Variants in NOL8 observed in about 807,000 individuals in gnomAD.
The protein encoded by NOL8 is nucleolar protein Nop132.
In NOL8, 93 loss-of-function variants were observed where a neutral mutation model predicts 116.1. The ratio of observed to expected loss-of-function variants is 0.80; its 90% CI spans 0.68 to 0.95. The LOEUF (loss-of-function observed/expected upper bound fraction) is 0.95. NOL8 is among the 40% of genes least tolerant of loss of function. The pLI is 0.00. For synonymous variants in NOL8, 419 were observed against 469.0 expected (o/e 0.89, Z 1.38); for missense variants, 1,291 against 1,382.8 (o/e 0.93, Z 1.05).
rs1837773626 is a variant in NOL8, at chr9:92,301,798, CCTTTT to C, written c.2923_2927del (p.Lys975GlyfsTer4). The C allele has an allele frequency of 5.0e-6, 8 of 1,593,972 alleles. No individual in the cohort carries two copies. Among genetic ancestry groups the C allele is most frequent in the Non-Finnish European group, 6.0e-6 (7 of 1,169,398 alleles). ...CCTCAGGTAGTTTCTCAGCTTCCTC[CCTTTT>C]CTTTTTTCGTTTTGCTTTACTGAAA... On this transcript the variant is annotated frameshift_variant, in exon 13 of 17. Coordinates refer to ENST00000442668, the MANE Select transcript of NOL8 (RefSeq NM_017948.6). LOFTEE classifies it high-confidence loss of function.
intron 7 of NOL8, among the ~76,000 whole-genome samples, chr9:92,312,827 C>CAAAA (rs35089570): frequency 3.5e-3 from 191 of 55,346 alleles, no homozygotes; most frequent in Non-Finnish European, 4.7e-3. Context: ...AACTCCATCT[C>CAAAA]AAAAAAAAAA....
chr9:92,304,174 C>T (rs1253300617), intron 12 of NOL8, among the ~76,000 whole-genome samples: 1 of 152,166 alleles, frequency 6.6e-6, no homozygotes, highest in Non-Finnish European at 1.5e-5. Flanking sequence ...GAAGGATGAT[C>T]CAGAAAGCCA....
intron 13 of NOL8, 25 bp from the exon 14 acceptor site, chr9:92,300,041 T>G: frequency 6.2e-7 from 1 of 1,608,346 alleles, no homozygotes; most frequent in Non-Finnish European, 8.5e-7. Flanking sequence ...CAACAAAAGA[T>G]GATGGGATTG....
chr9:92,310,010 T>C (rs1294084404), intron 10 of NOL8, among the ~76,000 whole-genome samples, 161 bp downstream of exon 10: 2 of 152,234 alleles, frequency 1.3e-5, no homozygotes, highest in African/African-American at 4.8e-5. Flanking sequence ...AATTACTATG[T>C]ACAAACAAAC....
In NOL8 at chr9:92,325,341, C is replaced by T. The variant is rs112410231; in HGVS notation, c.-84G>A. ...ACCTAAAGCCAGCGCCGCTGCAGCC[C>T]CTAACTTCTGGTCACGTGTCCCAAC... On this transcript the variant is annotated 5_prime_UTR_variant, in exon 1 of 17. Transcript: ENST00000442668. The T allele has an allele frequency of 6.6e-6, 1 of 152,472 alleles. No individual in the cohort carries two copies. The highest frequency in any genetic ancestry group is 1.9e-4 in the East Asian group (1 of 5,188). The allele number at this position is 152,472 out of a possible 1,614,324, so 9.4% of individuals were successfully genotyped here. A position where few individuals can be genotyped will look rare whatever the true frequency, so the allele number is the denominator to read the frequency against.
chr9:92,299,664 A>G (rs1314054101), intron 14 of NOL8, among the ~76,000 whole-genome samples: 1 of 151,978 alleles, frequency 6.6e-6, no homozygotes, highest in African/African-American at 2.4e-5. Flanking sequence ...GGACAGGAGA[A>G]TTGCTTGAAT....
intron 4 of NOL8, chr9:92,320,124 T>C: frequency 2.2e-6 from 1 of 456,100 alleles, no homozygotes; most frequent in Non-Finnish European, 4.4e-6. Flanking sequence ...TAGGTCTTGA[T>C]TATCCATATC....
At chr9:92,298,011 G>T in intron 16 of NOL8, 125 bp from the exon 17 acceptor site, 1 of 829,952 alleles carries the variant, frequency 1.2e-6, no homozygotes, top group Non-Finnish European at 1.9e-6. Flanking sequence ...GTGCTCTTTT[G>T]AAATGAAGAG....
At position 92,316,005 on chromosome 9, in the gene NOL8, C is replaced by T. The variant is rs375542875; in HGVS notation, c.620G>A (p.Arg207Gln). 359 of 1,613,844 alleles carry T rather than the reference C, an allele frequency of 2.2e-4. No homozygotes were observed. Among genetic ancestry groups the T allele is most frequent in the Non-Finnish European group, 2.9e-4 (345 of 1,179,902 alleles). ...GCCATGAAAGTCAGAGAACTCTCCT[C>T]GCCGTTTCTTACTCATAGGGTCATT... ...GGNDPMSKKRRGEFSDFHGPP... is the reference protein window; with the variant it reads ...GGNDPMSKKRQGEFSDFHGPP... Residue 207 changes from arginine (R) to glutamine (Q), a missense_variant, in exon 7 of 17, where the codon CGA becomes CAA. By Grantham distance (43) the Arg-to-Gln change is conservative. Transcript: ENST00000442668.
At chr9:92,317,011 G>A (rs959899538) in intron 6 of NOL8, among the ~76,000 whole-genome samples, 1 of 152,118 alleles carries the variant, frequency 6.6e-6, no homozygotes, top group Non-Finnish European at 1.5e-5. Context: ...GGAGTGCCAC[G>A]GCATGATCGT....
intron 7 of NOL8, among the ~76,000 whole-genome samples, chr9:92,313,746 T>C (rs1212839695): frequency 6.6e-6 from 1 of 152,180 alleles, no homozygotes; most frequent in African/African-American, 2.4e-5. Flanking sequence ...ACCACTCAGC[T>C]CAGACTACAG....
intron 10 of NOL8, among the ~76,000 whole-genome samples, chr9:92,308,120 G>A (rs1838441052): frequency 1.3e-5 from 2 of 152,298 alleles, no homozygotes; most frequent in Non-Finnish European, 1.5e-5. Flanking sequence ...TGGTGCAGTG[G>A]TTCCATGCCT....
At chr9:92,300,885 A>G in intron 13 of NOL8, 3 of 1,017,164 alleles carry the variant, frequency 2.9e-6, no homozygotes, top group Non-Finnish European at 3.6e-6. Context: ...TCTTTAAAGT[A>G]GAATCATTGT....
chr9:92,315,689 AATC>A lies in NOL8; in HGVS notation c.933_935del (p.Met311del), dbSNP rs761796022. Reference sequence around the variant, plus strand: ...TTCTCTGTAAGTTTTCCTCTTTCGCAATCATCATTCTCAATTCATCTTCAGAAT... The same window carrying A: ...TTCTCTGTAAGTTTTCCTCTTTCGCAATCATTCTCAATTCATCTTCAGAAT... On this transcript the variant is annotated inframe_deletion, in exon 7 of 17. Transcript: ENST00000442668. 9 of 1,612,520 alleles carry A rather than the reference AATC, an allele frequency of 5.6e-6. No individual in the cohort carries two copies. In the South Asian group the frequency reaches 8.8e-5, roughly 16 times the overall value.
intron 6 of NOL8, among the ~76,000 whole-genome samples, chr9:92,316,648 A>AT (rs1456531189): frequency 6.6e-6 from 1 of 152,106 alleles, no homozygotes; most frequent in Non-Finnish European, 1.5e-5. Context: ...TCTCTGCAAC[A>AT]TTTTTAGGTC....
Position 92,310,401 on chromosome 9 carries a change from C to T in NOL8, c.2596-140G>A, listed in dbSNP as rs1838666996. The stretch of plus-strand genomic sequence containing the variant: ...TGCCTACCTCCATCTACTTATGAAC[C>T]AATCAGAGAGGATCACAGAAGACTC... On this transcript the variant is annotated intron_variant, in intron 9 of 16. Coordinates refer to ENST00000442668, the MANE Select transcript of NOL8 (RefSeq NM_017948.6). The T allele has an allele frequency of 5.2e-6, 6 of 1,157,318 alleles. No homozygotes were observed. The South Asian group carries it at 8.6e-5, about 17-fold the overall frequency. 71.7% of individuals were successfully genotyped at this position (1,157,318 alleles called of 1,614,324 possible).
chr9:92,305,383 G>A (rs948208440), intron 12 of NOL8, among the ~76,000 whole-genome samples: 8 of 152,128 alleles, frequency 5.3e-5, no homozygotes, highest in Admixed American at 3.9e-4. Flanking sequence ...AACATAACCT[G>A]TTCACTATCT....
Position 92,319,417 on chromosome 9 carries a change from T to C in NOL8, c.282-61A>G. 6.8e-6 allele frequency: 10 copies of C among 1,461,970 alleles called. No individual in the cohort carries two copies. The South Asian group carries it at 1.5e-4, about 21-fold the overall frequency. The allele number at this position is 1,461,970 out of a possible 1,614,324, so 90.6% of individuals were successfully genotyped here. A position where few individuals can be genotyped will look rare whatever the true frequency, so the allele number is the denominator to read the frequency against. On this transcript the variant is annotated intron_variant, in intron 4 of 16. Coordinates refer to ENST00000442668, the MANE Select transcript of NOL8 (RefSeq NM_017948.6). The stretch of plus-strand genomic sequence containing the variant: ...AATAATCAGCCACGTAAAATGGTTA[T>C]TTCACTTTAGGTGTGCCTAAATGAG...
chr9:92,316,251 T>G, intron 6 of NOL8, 113 bp from the exon 7 acceptor site: 1 of 1,189,886 alleles, frequency 8.4e-7, no homozygotes, highest in Non-Finnish European at 1.2e-6. Context: ...CCCCTTTCAG[T>G]TTCCTGTAAA....
Sources: gnomAD v4.1 joint callset for allele counts (sites outside exome capture counted in the v4.1 genomes callset) on GRCh38, gnomAD v4.1.1 for gene constraint, MANE v1.5 for transcripts, NCBI Gene and HGNC (gene_info 2026-07-23, HGNC 2026-07-21) for gene names.